The following COL24A1 variants were observed in gnomAD, a reference collection of about 807,000 sequenced individuals.
The protein encoded by COL24A1 is collagen type XXIV alpha 1 chain, also known as collagen alpha-1(XXIV) chain.
COL24A1 carries 224 observed loss-of-function variants against 253.9 expected under a neutral mutation model. The ratio of observed to expected loss-of-function variants is 0.88; its 90% CI spans 0.79 to 0.99. The LOEUF (loss-of-function observed/expected upper bound fraction) is 0.99. Ranked by LOEUF, COL24A1 falls within the 50% of genes least tolerant of loss-of-function variation. The pLI, the probability that COL24A1 is intolerant of heterozygous loss-of-function variation, is 0.00. For synonymous variants in COL24A1, 685 were observed against 673.7 expected (o/e 1.02, Z -0.26); for missense variants, 2,131 against 2,068.5 (o/e 1.03, Z -0.59).
intron 43 of COL24A1, among the ~76,000 whole-genome samples, chr1:85,826,401 G>A (rs1288049361): frequency 7.0e-4 from 89 of 127,112 alleles, no homozygotes; most frequent in East Asian, 1.7e-3. Context: ...TTGACTTGGC[G>A]ATGCGGGCTC....
At chr1:86,040,743 T>C (rs1309538492) in intron 12 of COL24A1, among the ~76,000 whole-genome samples, 2 of 152,016 alleles carry the variant, frequency 1.3e-5, no homozygotes, top group African/African-American at 4.8e-5. Context: ...CCCAGTAAAG[T>C]AGAATCCAGA....
At chr1:86,016,594 G>T (rs1697016122) in intron 19 of COL24A1, among the ~76,000 whole-genome samples, 1 of 152,136 alleles carries the variant, frequency 6.6e-6, no homozygotes, top group South Asian at 2.1e-4. Context: ...TTGACTCATA[G>T]GTCTGACTCA....
At chr1:85,881,978 A>G (rs986044955) in intron 32 of COL24A1, among the ~76,000 whole-genome samples, 6 of 152,112 alleles carry the variant, frequency 3.9e-5, no homozygotes, top group Non-Finnish European at 7.4e-5. Flanking sequence ...AGTGCTATAA[A>G]TTTCCCTCTA....
chr1:85,865,087 C>T (rs2046158), intron 37 of COL24A1, among the ~76,000 whole-genome samples: 19,828 of 151,494 alleles, frequency 0.13, 1,433 homozygotes, highest in South Asian at 0.17. Context: ...CTGATGCTTC[C>T]CTTGCTTTAT....
In COL24A1 at chr1:86,156,520, A is replaced by C; in HGVS notation, c.-124T>G. 14 of 812,120 alleles carry C rather than the reference A, an allele frequency of 1.7e-5. No individual in the cohort carries two copies. The highest frequency in any genetic ancestry group is 6.2e-5 in the East Asian group (2 of 32,104). 50.3% of individuals were successfully genotyped at this position (812,120 alleles called of 1,614,324 possible). A position where few individuals can be genotyped will look rare whatever the true frequency, so the allele number is the denominator to read the frequency against. On this transcript the variant is annotated 5_prime_UTR_variant, in exon 1 of 60. Coordinates refer to ENST00000370571, the MANE Select transcript of COL24A1 (RefSeq NM_152890.7). ...CAATCACATGAAAACCATGCTTCAAACCCGCAACAAGAAAAAAAGGAGGGG... is the reference window on the plus strand; with the variant it reads ...CAATCACATGAAAACCATGCTTCAACCCCGCAACAAGAAAAAAAGGAGGGG...
chr1:85,950,336 T>A (rs184170301), intron 24 of COL24A1, among the ~76,000 whole-genome samples: 2 of 152,256 alleles, frequency 1.3e-5, no homozygotes, highest in African/African-American at 4.8e-5. Flanking sequence ...GCAAAACATA[T>A]TACGGATGTA....
At chr1:85,923,568 C>T (rs999822257) in intron 24 of COL24A1, among the ~76,000 whole-genome samples, 2 of 152,204 alleles carry the variant, frequency 1.3e-5, no homozygotes, top group Non-Finnish European at 2.9e-5. Context: ...TCCTGAATGA[C>T]TACTGGGCAA....
intron 3 of COL24A1, 97 bp from the exon 4 acceptor site, chr1:86,115,475 C>T: frequency 8.9e-7 from 1 of 1,117,484 alleles, no homozygotes; most frequent in African/African-American, 1.5e-5. Flanking sequence ...AACTCTTTTT[C>T]AGTCCCCAGT....
chr1:85,961,550 T>C (rs1358200080), intron 23 of COL24A1, among the ~76,000 whole-genome samples: 1 of 152,198 alleles, frequency 6.6e-6, no homozygotes, highest in Non-Finnish European at 1.5e-5. Flanking sequence ...TGTTATAGTA[T>C]TTCTATGAAA....
intron 24 of COL24A1, among the ~76,000 whole-genome samples, chr1:85,943,924 G>A (rs945715663): frequency 1.1e-4 from 17 of 152,284 alleles, no homozygotes; most frequent in African/African-American, 3.6e-4. Flanking sequence ...TTCATTTTAC[G>A]CATTTTTTTG....
At chr1:85,983,127 A>C (rs1022131319) in intron 20 of COL24A1, among the ~76,000 whole-genome samples, 2 of 152,064 alleles carry the variant, frequency 1.3e-5, no homozygotes, top group African/African-American at 4.8e-5. Flanking sequence ...TCTGCTATGC[A>C]AAAGACAATA....
At chr1:85,815,153 T>A (rs540243206) in intron 47 of COL24A1, among the ~76,000 whole-genome samples, 189 of 152,278 alleles carry the variant, frequency 1.2e-3, no homozygotes, top group African/African-American at 4.3e-3. Flanking sequence ...AAAATCTTAT[T>A]CAAAGCAACA....
At chr1:86,003,779 G>GA (rs1457409822) in intron 19 of COL24A1, among the ~76,000 whole-genome samples, 10 of 117,332 alleles carry the variant, frequency 8.5e-5, no homozygotes, top group Non-Finnish European at 1.3e-4. Flanking sequence ...GGCCTGGGAG[G>GA]AAAAAAAAAT....
chr1:86,142,415 C>T (rs987626921), intron 2 of COL24A1, among the ~76,000 whole-genome samples: 11 of 150,816 alleles, frequency 7.3e-5, no homozygotes, highest in African/African-American at 2.2e-4. Context: ...CCCAGCTACT[C>T]GGGAGGCTGA....
intron 24 of COL24A1, among the ~76,000 whole-genome samples, chr1:85,927,433 G>A (rs1306471604): frequency 2.1e-5 from 3 of 141,370 alleles, no homozygotes; most frequent in East Asian, 2.2e-4. Flanking sequence ...AGGGTCCTAC[G>A]CCCACGGAAT....
chr1:85,877,234 T>C, intron 32 of COL24A1, 59 bp from the exon 33 acceptor site: 1 of 1,217,536 alleles, frequency 8.2e-7, no homozygotes, highest in Non-Finnish European at 1.2e-6. Context: ...TCAGTAAATG[T>C]ATTCATCTGG....
intron 7 of COL24A1, among the ~76,000 whole-genome samples, chr1:86,075,679 A>T: frequency 6.6e-6 from 1 of 152,224 alleles, no homozygotes; most frequent in East Asian, 1.9e-4. Context: ...GCAGCACATC[A>T]AAAAGCTTAT....
At chr1:85,851,133 T>C (rs1439472754) in intron 37 of COL24A1, among the ~76,000 whole-genome samples, 2 of 151,938 alleles carry the variant, frequency 1.3e-5, no homozygotes, top group African/African-American at 4.8e-5. Context: ...TTATTGTTCC[T>C]ACACATTTCT....
intron 24 of COL24A1, among the ~76,000 whole-genome samples, chr1:85,947,335 C>A (rs540241973): frequency 2.0e-5 from 3 of 152,074 alleles, no homozygotes; most frequent in Non-Finnish European, 4.4e-5. Flanking sequence ...CAAAGGTGAA[C>A]CCCCATTTAC....
Sources: gnomAD v4.1 joint callset for allele counts (sites outside exome capture counted in the v4.1 genomes callset) on GRCh38, gnomAD v4.1.1 for gene constraint, MANE v1.5 for transcripts, NCBI Gene and HGNC (gene_info 2026-07-23, HGNC 2026-07-21) for gene names.